Variants in ZNF234 observed in about 807,000 individuals in gnomAD.
ZNF234 encodes zinc finger protein 234.
ZNF234 carries 4 observed loss-of-function variants against 10.3 expected under a neutral mutation model. The ratio of observed to expected loss-of-function variants is 0.39; its 90% CI spans 0.19 to 0.89. The LOEUF is 0.89. Among genes scored for constraint, ZNF234 ranks in the 40% least tolerant of loss-of-function variants. The pLI is 0.38. For synonymous variants in ZNF234, 258 were observed against 280.1 expected, an observed-to-expected ratio of 0.92 and a Z score of 0.79; for missense variants, 711 against 836.1, an observed-to-expected ratio of 0.85 and a Z score of 1.85.
intron 3 of ZNF234, 89 bp downstream of exon 3, chr19:44,144,736 A>T (rs776307516): frequency 7.8e-7 from 1 of 1,277,216 alleles, no homozygotes; most frequent in Non-Finnish European, 1.1e-6. Context: ...CGGGCATTTG[A>T]GAACCTGTTT....
Position 44,156,866 on chromosome 19 carries a change from G to A in ZNF234, c.850G>A (p.Gly284Arg). 6.2e-7 allele frequency: 1 copy of A among 1,613,458 alleles called. No homozygotes were observed. Among genetic ancestry groups the A allele is most frequent in the Non-Finnish European group, 8.5e-7 (1 of 1,179,620 alleles). Residue 284 changes from glycine (G) to arginine (R), a missense_variant, in exon 6 of 6, where the codon GGG becomes AGG. Transcript: ENST00000426739. ...HLQEHQRIHT[G>R]EKPFKCDTCG... is the part of the protein sequence containing the mutation. ...TCAGGAACATCAGAGAATTCATACT[G>A]GGGAGAAACCATTCAAATGTGATAC...
At chr19:44,148,930 A>C in intron 4 of ZNF234, 33 bp downstream of exon 4, 1 of 1,591,040 alleles carries the variant, frequency 6.3e-7, no homozygotes, top group East Asian at 2.2e-5. Context: ...ACTCAATGTC[A>C]GTCTCTTGGA....
chr19:44,142,474 C>G (rs1291244521), intron 2 of ZNF234, 107 bp downstream of exon 2: 1 of 152,158 alleles, frequency 6.6e-6, no homozygotes, highest in East Asian at 1.9e-4. Context: ...AACTTCAATT[C>G]TAGGGGATTT....
intron 3 of ZNF234, among the ~76,000 whole-genome samples, chr19:44,147,861 GA>G (rs531822989): frequency 6.4e-5 from 9 of 141,416 alleles, no homozygotes; most frequent in Non-Finnish European, 7.8e-5. Flanking sequence ...TCAAAAAAAA[GA>G]AAAAAAAAAG....
In ZNF234 at chr19:44,158,151, C is replaced by T. The variant is rs752111904; in HGVS notation, c.*32C>T. ...AAAAAAAAACAGAACTCATGTACAA[C>T]CTGAATGCTTGTAATTAGATTTCAT... is the stretch of plus-strand genomic sequence containing the variant. On this transcript the variant is annotated 3_prime_UTR_variant, in exon 6 of 6. Coordinates refer to ENST00000426739, the MANE Select transcript of ZNF234 (RefSeq NM_006630.3). The T allele has an allele frequency of 1.3e-6, 2 of 1,585,572 alleles. No homozygotes were observed. The highest frequency in any genetic ancestry group is 1.1e-5 in the South Asian group (1 of 87,188).
intron 3 of ZNF234, among the ~76,000 whole-genome samples, chr19:44,148,070 A>G (rs894139654): frequency 6.6e-6 from 1 of 152,222 alleles, no homozygotes; most frequent in African/African-American, 2.4e-5. Flanking sequence ...TTTCTTAGGT[A>G]CTTAGTCTGC....
At chr19:44,142,099 A>G (rs968978918) in intron 1 of ZNF234, 1 of 152,210 alleles carries the variant, frequency 6.6e-6, no homozygotes, top group Non-Finnish European at 1.5e-5. Flanking sequence ...TTCCCACGAA[A>G]CCTGTTAGGT....
chr19:44,147,659 C>T (rs1199941652), intron 3 of ZNF234, among the ~76,000 whole-genome samples: 1 of 152,136 alleles, frequency 6.6e-6, no homozygotes, highest in Non-Finnish European at 1.5e-5. Flanking sequence ...TCGTGACCAG[C>T]CTGACCAACA....
In ZNF234 at chr19:44,157,643, GA is replaced by G. The variant is rs756566152; in HGVS notation, c.1629del (p.Glu544SerfsTer38). On this transcript the variant is annotated frameshift_variant, in exon 6 of 6. Transcript: ENST00000426739. LOFTEE classifies it low-confidence loss of function (END_TRUNC). ...VHSGEKPFKCEECGKSFSRSA... is the reference protein window; with the variant it reads ...VHSGEKPFKCXECGKSFSRSA... Reference sequence around the variant, plus strand: ...CAGTGGGGAAAAACCATTTAAATGTGAAGAGTGTGGGAAGAGCTTCAGTCGG... The same window carrying G: ...CAGTGGGGAAAAACCATTTAAATGTGAGAGTGTGGGAAGAGCTTCAGTCGG... The G allele has an allele frequency of 6.2e-7, 1 of 1,613,616 alleles. No individual in the cohort carries two copies. Among genetic ancestry groups the G allele is most frequent in the Non-Finnish European group, 8.5e-7 (1 of 1,179,948 alleles).
intron 5 of ZNF234, 134 bp from the exon 6 acceptor site, chr19:44,156,118 A>G: frequency 1.3e-6 from 1 of 747,850 alleles, no homozygotes; most frequent in South Asian, 2.2e-5. Flanking sequence ...AGAGATCATG[A>G]TACACAGTGG....
intron 2 of ZNF234, among the ~76,000 whole-genome samples, chr19:44,142,764 A>G (rs1968496531): frequency 1.3e-5 from 2 of 152,226 alleles, no homozygotes; most frequent in South Asian, 4.1e-4. Flanking sequence ...TTTATTACAA[A>G]TATTTCACAT....
chr19:44,143,173 G>A (rs1330510026), intron 2 of ZNF234, among the ~76,000 whole-genome samples: 1 of 117,856 alleles, frequency 8.5e-6, no homozygotes, highest in Non-Finnish European at 1.5e-5. Flanking sequence ...AGAGGGCAGG[G>A]CATGGTGGGT....
At chr19:44,148,024 G>A (rs1968644235) in intron 3 of ZNF234, among the ~76,000 whole-genome samples, 1 of 152,200 alleles carries the variant, frequency 6.6e-6, no homozygotes, top group Non-Finnish European at 1.5e-5. Flanking sequence ...AGGTGAAATA[G>A]ATGATGATGG....
In ZNF234 at chr19:44,157,467, A is replaced by G. The variant is rs1968927744; in HGVS notation, c.1451A>G (p.Tyr484Cys). 1 of 1,613,912 alleles carries G rather than the reference A, an allele frequency of 6.2e-7. No homozygotes were observed. Among genetic ancestry groups the G allele is most frequent in the Non-Finnish European group, 8.5e-7 (1 of 1,179,920 alleles). The change falls in exon 6 of 6, where the codon TAC becomes TGC. Residue 484 changes from tyrosine to cysteine, a missense_variant. By Grantham distance (194) the Tyr-to-Cys change is radical. Coordinates refer to ENST00000426739, the MANE Select transcript of ZNF234 (RefSeq NM_006630.3). ...HQLIHTGEKP[Y>C]KCEECGKGFS... ...CTGATCCATACCGGTGAGAAACCAT[A>G]CAAATGTGAAGAGTGCGGAAAGGGA...
rs372394489 is a variant in ZNF234 at position 44,157,790 on chromosome 19, G to C, written c.1774G>C (p.Gly592Arg). 99 of 1,613,808 alleles carry C rather than the reference G, an allele frequency of 6.1e-5. No individual in the cohort carries two copies. The highest frequency in any genetic ancestry group is 8.2e-5 in the Non-Finnish European group (97 of 1,179,906). ...TGACATGCATCAGAGGGTGCACACA[G>C]GAGAAAAACCCTATACATGTGGGGA... Reference protein sequence around the residue: ...NLDMHQRVHTGEKPYTCGECG... With the variant: ...NLDMHQRVHTREKPYTCGECG... The change falls in exon 6 of 6, where the codon GGA (glycine) becomes CGA (arginine). Residue 592 changes from glycine to arginine, a missense_variant. Coordinates refer to ENST00000426739, the MANE Select transcript of ZNF234 (RefSeq NM_006630.3).
chr19:44,148,992 C>A, intron 4 of ZNF234, 95 bp downstream of exon 4: 1 of 1,439,042 alleles, frequency 6.9e-7, no homozygotes, highest in South Asian at 1.4e-5. Flanking sequence ...GAATTAGTCG[C>A]CTACATTTGT....
Position 44,156,878 on chromosome 19 carries a change from T to C in ZNF234, c.862T>C (p.Phe288Leu), listed in dbSNP as rs1274735755. Residue 288 changes from phenylalanine to leucine, a missense_variant, in exon 6 of 6, where the codon TTC becomes CTC. Transcript: ENST00000426739. ...HQRIHTGEKP[F>L]KCDTCGKNFR... is the part of the protein sequence containing the mutation. ...GAGAATTCATACTGGGGAGAAACCA[T>C]TCAAATGTGATACATGTGGTAAGAA... 6.2e-7 allele frequency: 1 copy of C among 1,613,752 alleles called. No individual in the cohort carries two copies. The highest frequency in any genetic ancestry group is 8.5e-7 in the Non-Finnish European group (1 of 1,179,748).
Position 44,156,616 on chromosome 19 carries a change from A to C in ZNF234, c.600A>C (p.Gly200=). ...ATATTCATCAAAGAGTCCACATGGG[A>C]GAGAAATGCTATAAGTGTGACGTGT... ...ALHIHQRVHM[G]EKCYKCDVCG... The change falls in exon 6 of 6, where the codon GGA becomes GGC. Residue 200 remains glycine (G), a synonymous_variant. Transcript: ENST00000426739. 1.2e-6 allele frequency: 2 copies of C among 1,614,158 alleles called. No homozygotes were observed. The highest frequency in any genetic ancestry group is 1.1e-5 in the South Asian group (1 of 91,084).
rs780535679 is a variant in ZNF234 at position 44,157,998 on chromosome 19, TCAG to T, written c.1984_1986del (p.Ser662del). ...AAATGTGAGATATGTGGTAAGAGGT[TCAG>T]CTGGCGATCAAATCTTGTAAGTCAT... is the stretch of plus-strand genomic sequence containing the variant. On this transcript the variant is annotated inframe_deletion, in exon 6 of 6. Transcript: ENST00000426739. 6.2e-7 allele frequency: 1 copy of T among 1,613,950 alleles called. No homozygotes were observed. The highest frequency in any genetic ancestry group is 8.5e-7 in the Non-Finnish European group (1 of 1,179,896).
Sources: gnomAD v4.1 joint callset for allele counts (sites outside exome capture counted in the v4.1 genomes callset) on GRCh38, gnomAD v4.1.1 for gene constraint, MANE v1.5 for transcripts, NCBI Gene and HGNC (gene_info 2026-07-23, HGNC 2026-07-21) for gene names.